The following ARB2A variants were observed in gnomAD, a reference collection of about 807,000 sequenced individuals.
The protein encoded by ARB2A is cotranscriptional regulator ARB2A.
the ARB2A span, among the ~76,000 whole-genome samples, chr5:94,039,468 C>T: frequency 2.6e-5 from 4 of 152,256 alleles, no homozygotes; most frequent in South Asian, 6.2e-4. Context: ...TTACCAAATG[C>T]CATGGCAACA....
At chr5:94,088,545 T>C in the ARB2A span, among the ~76,000 whole-genome samples, 290 of 152,056 alleles carry the variant, frequency 1.9e-3, no homozygotes, top group Middle Eastern at 0.014. Flanking sequence ...GCCAGATGCA[T>C]TGGCATGTGC....
the ARB2A span, chr5:93,683,087 C>T: frequency 1.0e-5 from 16 of 1,565,172 alleles, no homozygotes; most frequent in Non-Finnish European, 1.3e-5. Flanking sequence ...TGAGTCTTTT[C>T]CATTCTGATT....
chr5:94,059,927 T>C, the ARB2A span, among the ~76,000 whole-genome samples: 1 of 152,112 alleles, frequency 6.6e-6, no homozygotes, highest in Non-Finnish European at 1.5e-5. Flanking sequence ...AACAGAAATA[T>C]TATCCACATA....
chr5:93,757,035 C>T, the ARB2A span, among the ~76,000 whole-genome samples: 10 of 152,010 alleles, frequency 6.6e-5, no homozygotes, highest in African/African-American at 1.9e-4. Flanking sequence ...AAAGGACAAT[C>T]GAAAATTCAG....
the ARB2A span, among the ~76,000 whole-genome samples, chr5:93,876,963 T>C: frequency 6.6e-6 from 1 of 152,190 alleles, no homozygotes; most frequent in Non-Finnish European, 1.5e-5. Context: ...CTATCTTACA[T>C]ATTAAAGAAT....
At chr5:93,829,278 C>A in the ARB2A span, among the ~76,000 whole-genome samples, 18 of 152,132 alleles carry the variant, frequency 1.2e-4, 1 homozygote, top group African/African-American at 4.1e-4. Context: ...TTGTAGGGAG[C>A]AACTCGAAGT....
chr5:93,771,957 T>G, the ARB2A span, among the ~76,000 whole-genome samples: 14 of 152,192 alleles, frequency 9.2e-5, no homozygotes, highest in African/African-American at 3.1e-4. Context: ...CATTACTGGG[T>G]ATATACCAAA....
At chr5:93,952,870 CTT>C in the ARB2A span, among the ~76,000 whole-genome samples, 2 of 152,082 alleles carry the variant, frequency 1.3e-5, no homozygotes, top group Non-Finnish European at 2.9e-5. Context: ...TATTTTGTCT[CTT>C]ATAAATAGCT....
chr5:93,645,203 A>G, the ARB2A span, among the ~76,000 whole-genome samples: 1 of 152,220 alleles, frequency 6.6e-6, no homozygotes, highest in South Asian at 2.1e-4. Context: ...ACATGAAAAA[A>G]CAATTACAGG....
At chr5:93,653,892 A>G in the ARB2A span, among the ~76,000 whole-genome samples, 1 of 152,254 alleles carries the variant, frequency 6.6e-6, no homozygotes, top group African/African-American at 2.4e-5. Context: ...GGCAAGTGCC[A>G]GTGACTGGAC....
chr5:94,023,638 T>C, the ARB2A span, among the ~76,000 whole-genome samples: 1 of 152,218 alleles, frequency 6.6e-6, no homozygotes, highest in African/African-American at 2.4e-5. Context: ...TAAAACCAAC[T>C]GCTGATGACT....
chr5:93,664,181 G>A, the ARB2A span, among the ~76,000 whole-genome samples: 33,739 of 151,678 alleles, frequency 0.22, 5,073 homozygotes, highest in African/African-American at 0.42. Context: ...CCTAGGCTCA[G>A]AGGATCCTCC....
chr5:93,991,642 T>C, the ARB2A span, among the ~76,000 whole-genome samples: 1 of 151,276 alleles, frequency 6.6e-6, no homozygotes, highest in South Asian at 2.1e-4. Context: ...AGATAAGCAA[T>C]ATAATGGATA....
chr5:93,845,318 A>T, the ARB2A span, among the ~76,000 whole-genome samples: 1 of 152,238 alleles, frequency 6.6e-6, no homozygotes, highest in Admixed American at 6.5e-5. Flanking sequence ...TAGTTAACAT[A>T]CAGGCTCCAG....
chr5:93,921,768 G>A, the ARB2A span, among the ~76,000 whole-genome samples: 220 of 152,204 alleles, frequency 1.4e-3, no homozygotes, highest in Non-Finnish European at 2.5e-3. Context: ...AACACCAGCC[G>A]CCTGTTTTTT....
the ARB2A span, among the ~76,000 whole-genome samples, chr5:93,983,205 G>A: frequency 6.7e-6 from 1 of 150,172 alleles, no homozygotes; most frequent in Non-Finnish European, 1.5e-5. Context: ...GTGTGTGTGT[G>A]TGTGTGTGTG....
the ARB2A span, among the ~76,000 whole-genome samples, chr5:93,917,703 C>A: frequency 6.6e-6 from 1 of 151,864 alleles, no homozygotes; most frequent in African/African-American, 2.4e-5. Context: ...CAAAATAAGA[C>A]CTCATCTCTA....
chr5:93,815,218 G>T, the ARB2A span, among the ~76,000 whole-genome samples: 1 of 152,122 alleles, frequency 6.6e-6, no homozygotes, highest in African/African-American at 2.4e-5. Flanking sequence ...TCATTCAATA[G>T]AAGTGTTAAA....
the ARB2A span, among the ~76,000 whole-genome samples, chr5:93,702,347 C>T: frequency 6.6e-6 from 1 of 152,080 alleles, no homozygotes; most frequent in East Asian, 1.9e-4. Context: ...CTCTCCTGAC[C>T]ACGCTATATA....
Sources: gnomAD v4.1 joint callset for allele counts (sites outside exome capture counted in the v4.1 genomes callset) on GRCh38, gnomAD v4.1.1 for gene constraint, MANE v1.5 for transcripts, NCBI Gene and HGNC (gene_info 2026-07-23, HGNC 2026-07-21) for gene names.